ITGB6: variants seen among roughly 807,000 people sequenced by gnomAD.
ITGB6 encodes integrin beta-6.
Under a neutral mutation model 84.5 loss-of-function variants are expected in ITGB6, and 80 were observed. That is an observed-to-expected ratio of 0.95 (90% CI 0.79 to 1.14). The LOEUF is 1.14. Among genes scored for constraint, ITGB6 ranks in the 50% most tolerant of loss-of-function variants. The pLI, the probability that ITGB6 is intolerant of heterozygous loss-of-function variation, is 0.00. For synonymous variants in ITGB6, 383 were observed against 354.9 expected, an observed-to-expected ratio of 1.08 and a Z score of -0.89; for missense variants, 1,006 against 968.0, an observed-to-expected ratio of 1.04 and a Z score of -0.52.
chr2:160,101,897 C>A, intron 14 of ITGB6, 63 bp from the exon 15 acceptor site: 2 of 875,808 alleles, frequency 2.3e-6, no homozygotes, highest in Non-Finnish European at 3.7e-6. Flanking sequence ...TGTTTTAATA[C>A]GTAGTGCAAA....
chr2:160,183,908 A>G (rs1685787944), intron 4 of ITGB6, among the ~76,000 whole-genome samples: 1 of 152,238 alleles, frequency 6.6e-6, no homozygotes, highest in East Asian at 1.9e-4. Flanking sequence ...GAAGGCAGAA[A>G]TAAAGAAGTT....
intron 10 of ITGB6, among the ~76,000 whole-genome samples, chr2:160,134,755 A>G (rs1574069824): frequency 6.6e-6 from 1 of 152,328 alleles, no homozygotes; most frequent in East Asian, 1.9e-4. Flanking sequence ...TTCAACATAC[A>G]CAAATCAATA....
Position 160,151,510 on chromosome 2 carries a change from A to G in ITGB6, c.1018-9439T>C, listed in dbSNP as rs189466949. Among the ~76,000 whole-genome samples, 338 of 152,336 alleles carry G rather than the reference A, an allele frequency of 2.2e-3. 1 individual carries two copies. Among genetic ancestry groups the G allele is most frequent in the African/African-American group, 7.8e-3 (324 of 41,582 alleles). ...AGAAAGCAGGAAAGATCTAAAATCA[A>G]CACCCTAACATCACAATTAAAAGAA... is the stretch of plus-strand genomic sequence containing the variant. On this transcript the variant is annotated intron_variant, in intron 7 of 14. Transcript: ENST00000283249.
At chr2:160,198,036 T>C (rs547723042) in intron 2 of ITGB6, among the ~76,000 whole-genome samples, 1 of 152,232 alleles carries the variant, frequency 6.6e-6, no homozygotes, top group Non-Finnish European at 1.5e-5. Flanking sequence ...GAAACTCTCT[T>C]AAGTAAATGC....
intron 4 of ITGB6, among the ~76,000 whole-genome samples, chr2:160,175,385 CA>C (rs965364483): frequency 3.9e-5 from 6 of 152,098 alleles, no homozygotes; most frequent in African/African-American, 1.4e-4. Flanking sequence ...TGTAGACAGG[CA>C]AAACAAAACA....
chr2:160,101,739 G>C lies in ITGB6; in HGVS notation c.2364C>G (p.Cys788Trp), dbSNP rs745899695. 6.6e-7 allele frequency: 1 copy of C among 1,517,042 alleles called. No individual in the cohort carries two copies. Among genetic ancestry groups the C allele is most frequent in the African/African-American group, 1.4e-5 (1 of 72,818 alleles). 94.0% of individuals were successfully genotyped at this position (1,517,042 alleles called of 1,614,324 possible). A position where few individuals can be genotyped will look rare whatever the true frequency, so the allele number is the denominator to read the frequency against. Residue 788 changes from cysteine to tryptophan, a missense_variant, in exon 15 of 15, where the codon TGC becomes TGG. Physicochemically the swap from Cys to Trp is radical, Grantham distance 215 (BLOSUM62 -2). Coordinates refer to ENST00000283249, the MANE Select transcript of ITGB6 (RefSeq NM_000888.5). The stretch of plus-strand genomic sequence containing the variant: ...TTTTTTCATGCATAAAGTAGTTCTA[G>C]CAATCTGTGGAAAGGTCTACCTTTT... The part of the protein sequence containing the change: ...EKQKVDLSTD[C>W]
chr2:160,157,923 G>A (rs913879245), intron 7 of ITGB6, among the ~76,000 whole-genome samples: 1 of 152,066 alleles, frequency 6.6e-6, no homozygotes, highest in Non-Finnish European at 1.5e-5. Flanking sequence ...CTTTCTTCCC[G>A]TGAGGTCTTT....
chr2:160,148,151 T>C (rs1684269233), intron 7 of ITGB6, among the ~76,000 whole-genome samples: 1 of 152,108 alleles, frequency 6.6e-6, no homozygotes, highest in Admixed American at 6.5e-5. Flanking sequence ...CCAAAGACCC[T>C]AACAGACATA....
rs758595294 is a variant in ITGB6, at chr2:160,195,596, C to G, written c.366G>C (p.Gln122His). 3 of 1,614,012 alleles carry G rather than the reference C, an allele frequency of 1.9e-6. No individual in the cohort carries two copies. Among genetic ancestry groups the G allele is most frequent in the Non-Finnish European group, 2.5e-6 (3 of 1,179,982 alleles). Reference protein sequence around the residue: ...KLRPGGAQTLQVHVRQTEDYP... With the variant: ...KLRPGGAQTLHVHVRQTEDYP... ...AGTCCTCAGTCTGGCGGACATGCAC[C>G]TGCAGAGTCTGCGCACCACCTGCAA... is the stretch of plus-strand genomic sequence containing the variant. Residue 122 changes from glutamine to histidine, a missense_variant, in exon 4 of 15, where the codon CAG becomes CAC. Gln to His is a conservative substitution (Grantham distance 24, BLOSUM62 0). Coordinates refer to ENST00000283249, the MANE Select transcript of ITGB6 (RefSeq NM_000888.5).
At chr2:160,130,314 T>C (rs954540747) in intron 10 of ITGB6, among the ~76,000 whole-genome samples, 28 of 152,144 alleles carry the variant, frequency 1.8e-4, no homozygotes, top group Non-Finnish European at 3.4e-4. Flanking sequence ...TATATACATA[T>C]ATATTCTCTC....
intron 4 of ITGB6, among the ~76,000 whole-genome samples, chr2:160,177,294 C>T (rs1233948987): frequency 2.6e-5 from 4 of 152,108 alleles, no homozygotes; most frequent in Non-Finnish European, 2.9e-5. Context: ...TGGCCAGGCG[C>T]TGTGGCTCAC....
At chr2:160,187,761 TTTA>T (rs922649175) in intron 4 of ITGB6, among the ~76,000 whole-genome samples, 24 of 152,260 alleles carry the variant, frequency 1.6e-4, no homozygotes, top group African/African-American at 4.8e-4. Context: ...ATGCAGTGGG[TTTA>T]TTATTATAGT....
intron 7 of ITGB6, among the ~76,000 whole-genome samples, chr2:160,148,283 C>A (rs1315511275): frequency 6.6e-6 from 1 of 152,132 alleles, no homozygotes. Context: ...TAGAATGGCC[C>A]AAATCCAGAA....
intron 12 of ITGB6, among the ~76,000 whole-genome samples, chr2:160,113,712 T>C (rs1250217065): frequency 2.6e-5 from 4 of 152,344 alleles, no homozygotes; most frequent in East Asian, 1.9e-4. Context: ...ACTTAGTGAG[T>C]TGTTTAATAA....
Position 160,107,665 on chromosome 2 carries a change from A to ACCGTTTCC in ITGB6, c.2268+13_2268+14insGGAAACGG. 1 of 1,613,286 alleles carries ACCGTTTCC rather than the reference A, an allele frequency of 6.2e-7. No homozygotes were observed. The highest frequency in any genetic ancestry group is 8.5e-7 in the Non-Finnish European group (1 of 1,179,314). On this transcript the variant is annotated intron_variant, in intron 14 of 14. Transcript: ENST00000283249. ...TCTCCCCTAGACAAGGAGTAGCCCT[A>ACCGTTTCC]AGTTTCCACATACCGTTTGCCACTT...
At chr2:160,186,977 C>T (rs1209869380) in intron 4 of ITGB6, among the ~76,000 whole-genome samples, 1 of 144,256 alleles carries the variant, frequency 6.9e-6, no homozygotes, top group Admixed American at 7.0e-5. Context: ...GGGTGGGAGG[C>T]TAGGGGGAGG....
chr2:160,180,352 G>A (rs2105879311), intron 4 of ITGB6, among the ~76,000 whole-genome samples: 1 of 152,272 alleles, frequency 6.6e-6, no homozygotes, highest in East Asian at 1.9e-4. Flanking sequence ...TCTCTATGTT[G>A]CCCAGGCTGG....
intron 7 of ITGB6, among the ~76,000 whole-genome samples, chr2:160,162,269 T>C (rs1684847289): frequency 2.0e-5 from 3 of 151,966 alleles, no homozygotes. Context: ...TATATAACAT[T>C]GAGTCAAAAA....
chr2:160,196,465 T>A (rs1686343996), intron 2 of ITGB6, 45 bp from the exon 3 acceptor site: 1 of 1,500,610 alleles, frequency 6.7e-7, no homozygotes, highest in East Asian at 2.3e-5. Flanking sequence ...AGAAAACAAA[T>A]CTGAATTTCT....
Sources: gnomAD v4.1 joint callset for allele counts (sites outside exome capture counted in the v4.1 genomes callset) on GRCh38, gnomAD v4.1.1 for gene constraint, MANE v1.5 for transcripts, NCBI Gene and HGNC (gene_info 2026-07-23, HGNC 2026-07-21) for gene names.